The following SPAG16 variants were observed in gnomAD, a reference collection of about 807,000 sequenced individuals.
The protein encoded by SPAG16 is sperm-associated antigen 16 protein.
Under a neutral mutation model 80.4 loss-of-function variants are expected in SPAG16, and 86 were observed. The ratio of observed to expected loss-of-function variants is 1.07; its 90% CI spans 0.90 to 1.28. The LOEUF is 1.28. Among genes scored for constraint, SPAG16 ranks in the 50% most tolerant of loss-of-function variants. The probability of loss-of-function intolerance (pLI) is 0.00; values close to 1 mark genes in which losing one functional copy is unlikely to be tolerated. For missense variants in SPAG16, 870 were observed against 765.3 expected (o/e 1.14, Z -1.61); for synonymous variants, 294 against 265.9 (o/e 1.11, Z -1.03).
At chr2:213,965,650 C>T (rs777902294) in intron 12 of SPAG16, among the ~76,000 whole-genome samples, 19 of 152,198 alleles carry the variant, frequency 1.2e-4, no homozygotes, top group Non-Finnish European at 1.9e-4. Context: ...TAAACCTCCA[C>T]TTAATTGCTT....
intron 10 of SPAG16, among the ~76,000 whole-genome samples, chr2:213,730,036 A>C (rs1167513747): frequency 6.6e-6 from 1 of 152,222 alleles, no homozygotes; most frequent in Non-Finnish European, 1.5e-5. Context: ...TCATTTATAA[A>C]TCATGGTCTG....
At chr2:214,230,334 C>A (rs1035321114) in intron 15 of SPAG16, among the ~76,000 whole-genome samples, 4 of 151,846 alleles carry the variant, frequency 2.6e-5, no homozygotes, top group African/African-American at 9.7e-5. Context: ...CACAAAAATG[C>A]TCATTTCTAG....
At chr2:214,367,866 C>A (rs1467763657) in intron 15 of SPAG16, among the ~76,000 whole-genome samples, 1 of 152,052 alleles carries the variant, frequency 6.6e-6, no homozygotes, top group African/African-American at 2.4e-5. Context: ...TTAATTCTAT[C>A]AATTTCTATC....
chr2:214,382,082 C>T (rs745419127), intron 15 of SPAG16, among the ~76,000 whole-genome samples: 1 of 152,198 alleles, frequency 6.6e-6, no homozygotes. Flanking sequence ...TTTGCAGCAA[C>T]AGAATCATTG....
At chr2:213,386,279 C>T (rs1465897926) in intron 9 of SPAG16, among the ~76,000 whole-genome samples, 1 of 152,108 alleles carries the variant, frequency 6.6e-6, no homozygotes, top group Non-Finnish European at 1.5e-5. Flanking sequence ...AGAGTCTTGT[C>T]TTGAAATTTC....
At chr2:213,374,054 G>T (rs926957827) in intron 8 of SPAG16, among the ~76,000 whole-genome samples, 2 of 152,074 alleles carry the variant, frequency 1.3e-5, no homozygotes, top group Non-Finnish European at 2.9e-5. Context: ...AGGCAGTTTG[G>T]ACACCCAGGT....
chr2:214,085,682 C>A (rs1025093979), intron 13 of SPAG16, among the ~76,000 whole-genome samples: 4 of 152,138 alleles, frequency 2.6e-5, no homozygotes, highest in African/African-American at 7.2e-5. Context: ...CTTTGAACAT[C>A]CAGACTACAA....
intron 10 of SPAG16, among the ~76,000 whole-genome samples, chr2:213,697,934 T>C (rs2065232176): frequency 6.6e-6 from 1 of 152,244 alleles, no homozygotes; most frequent in African/African-American, 2.4e-5. Context: ...TTGTTATTTT[T>C]ATTATTTCCT....
intron 15 of SPAG16, among the ~76,000 whole-genome samples, chr2:214,284,050 A>G (rs867517069): frequency 9.2e-5 from 14 of 152,340 alleles, no homozygotes; most frequent in Middle Eastern, 3.4e-3. Context: ...TTAGACTTCC[A>G]GATAACATCT....
At chr2:213,896,405 TA>T (rs1001776582) in intron 11 of SPAG16, among the ~76,000 whole-genome samples, 1 of 151,322 alleles carries the variant, frequency 6.6e-6, no homozygotes, top group African/African-American at 2.4e-5. Flanking sequence ...TAAAAAAAAA[TA>T]GAACTACATA....
intron 10 of SPAG16, among the ~76,000 whole-genome samples, chr2:213,780,219 C>CCTCTGCA (rs1204929180): frequency 6.6e-6 from 1 of 152,152 alleles, no homozygotes; most frequent in African/African-American, 2.4e-5. Flanking sequence ...GGTACTTTTA[C>CCTCTGCA]CATCTGCAAA....
At chr2:214,203,725 G>A (rs952810621) in intron 15 of SPAG16, among the ~76,000 whole-genome samples, 5 of 152,182 alleles carry the variant, frequency 3.3e-5, no homozygotes, top group African/African-American at 1.2e-4. Flanking sequence ...GGTCCTTGGG[G>A]AGGGCTACCA....
At chr2:213,488,215 A>T (rs1487976380) in intron 9 of SPAG16, among the ~76,000 whole-genome samples, 2 of 152,148 alleles carry the variant, frequency 1.3e-5, no homozygotes, top group Non-Finnish European at 2.9e-5. Context: ...GGAAATAACT[A>T]TTGAAAGAAT....
intron 10 of SPAG16, among the ~76,000 whole-genome samples, chr2:213,827,460 A>G (rs1575261744): frequency 1.3e-5 from 2 of 152,020 alleles, no homozygotes; most frequent in Admixed American, 1.3e-4. Flanking sequence ...AAACTTGTAT[A>G]AGTTCTACAT....
At chr2:213,289,486 G>A (rs79524255) in intron 1 of SPAG16, among the ~76,000 whole-genome samples, 9,088 of 152,238 alleles carry the variant, frequency 0.06, 906 homozygotes, top group African/African-American at 0.21. Context: ...AGAATTCTGA[G>A]TCCTCATGAA....
At chr2:213,878,328 C>T (rs916478398) in intron 11 of SPAG16, among the ~76,000 whole-genome samples, 39 of 152,208 alleles carry the variant, frequency 2.6e-4, no homozygotes, top group African/African-American at 8.7e-4. Flanking sequence ...TCCTTCTTAT[C>T]ATTGCCAATA....
At chr2:213,940,911 C>T (rs1455607163) in intron 12 of SPAG16, among the ~76,000 whole-genome samples, 3 of 152,068 alleles carry the variant, frequency 2.0e-5, no homozygotes, top group Admixed American at 2.0e-4. Flanking sequence ...TCAGTGATAT[C>T]GCTAACAACA....
intron 10 of SPAG16, among the ~76,000 whole-genome samples, chr2:213,612,447 GCCTA>G (rs1195664451): frequency 1.3e-5 from 2 of 151,940 alleles, no homozygotes; most frequent in African/African-American, 4.8e-5. Flanking sequence ...AATTCCACCT[GCCTA>G]CTTTGTGTCA....
intron 15 of SPAG16, chr2:214,239,711 A>C (rs760081468): frequency 1.3e-5 from 2 of 152,164 alleles, no homozygotes; most frequent in East Asian, 1.9e-4. Flanking sequence ...TCAGAGCTGC[A>C]CTGGAGCTGG....
Sources: gnomAD v4.1 joint callset for allele counts (sites outside exome capture counted in the v4.1 genomes callset) on GRCh38, gnomAD v4.1.1 for gene constraint, MANE v1.5 for transcripts, NCBI Gene and HGNC (gene_info 2026-07-23, HGNC 2026-07-21) for gene names.